Variants in SLAIN2 observed in about 807,000 individuals in gnomAD.
SLAIN2 encodes SLAIN motif-containing protein 2.
In SLAIN2, 31 loss-of-function variants were observed where a neutral mutation model predicts 56.6. The ratio of observed to expected loss-of-function variants is 0.55; its 90% CI spans 0.41 to 0.74. The LOEUF (loss-of-function observed/expected upper bound fraction) is 0.74, where lower values mean the gene tolerates loss of function less well. SLAIN2 is among the 30% of genes least tolerant of loss of function. The probability of loss-of-function intolerance (pLI) is 0.00; values close to 1 mark genes in which losing one functional copy is unlikely to be tolerated. For missense variants in SLAIN2, 777 were observed against 754.2 expected, an observed-to-expected ratio of 1.03 and a Z score of -0.35; for synonymous variants, 317 against 284.9, an observed-to-expected ratio of 1.11 and a Z score of -1.13.
At chr4:48,402,046 T>G (rs113097389) in intron 6 of SLAIN2, among the ~76,000 whole-genome samples, 1 of 152,334 alleles carries the variant, frequency 6.6e-6, no homozygotes, top group East Asian at 1.9e-4. Flanking sequence ...TAGCCAGATA[T>G]GAAATTCTGG....
chr4:48,425,470 A>C lies in SLAIN2; in HGVS notation c.*3393A>C, dbSNP rs531519032. 6.6e-6 allele frequency: 1 copy of C among 152,252 alleles called. No individual in the cohort carries two copies. The highest frequency in any genetic ancestry group is 1.9e-4 in the East Asian group (1 of 5,188). 9.4% of individuals were successfully genotyped at this position (152,252 alleles called of 1,614,324 possible). ...GCATCTTTTCTTGTATGGATGGAAA[A>C]ATCAAGAATTGTACACTGTTTAATG... On this transcript the variant is annotated 3_prime_UTR_variant, in exon 8 of 8. Coordinates refer to ENST00000264313, the MANE Select transcript of SLAIN2 (RefSeq NM_020846.2).
chr4:48,360,267 T>C (rs1360930702), intron 1 of SLAIN2, among the ~76,000 whole-genome samples: 2 of 152,152 alleles, frequency 1.3e-5, no homozygotes, highest in East Asian at 3.9e-4. Flanking sequence ...TATCAAGATG[T>C]TATTTATATA....
intron 6 of SLAIN2, among the ~76,000 whole-genome samples, chr4:48,395,445 G>GA (rs66798472): frequency 2.6e-3 from 374 of 145,864 alleles, no homozygotes; most frequent in African/African-American, 7.9e-3. Flanking sequence ...GATTTTTTTT[G>GA]AAAAAAAAAA....
chr4:48,342,057 G>T lies in SLAIN2; in HGVS notation c.318G>T (p.Leu106=). The change falls in exon 1 of 8, where the codon CTG becomes CTT. Residue 106 remains leucine (L), a synonymous_variant. Coordinates refer to ENST00000264313, the MANE Select transcript of SLAIN2 (RefSeq NM_020846.2). ...SLLAAGEGGL[L]DEVEPLRPDE... ...TAGCGGCGGGCGAGGGCGGCTTGCTGGACGAGGTGGAGCCGCTGCGGCCCG... is the reference window on the plus strand; with the variant it reads ...TAGCGGCGGGCGAGGGCGGCTTGCTTGACGAGGTGGAGCCGCTGCGGCCCG... 7.2e-7 allele frequency: 1 copy of T among 1,389,966 alleles called. No individual in the cohort carries two copies. 86.1% of individuals were successfully genotyped at this position (1,389,966 alleles called of 1,614,324 possible). A position where few individuals can be genotyped will look rare whatever the true frequency, so the allele number is the denominator to read the frequency against.
At chr4:48,418,556 AT>A (rs952025590) in intron 6 of SLAIN2, among the ~76,000 whole-genome samples, 69 of 151,616 alleles carry the variant, frequency 4.6e-4, no homozygotes, top group African/African-American at 1.6e-3. Flanking sequence ...ATTTTCTAAT[AT>A]TTTTTTAAGG....
intron 6 of SLAIN2, among the ~76,000 whole-genome samples, chr4:48,386,467 T>TTTAGACC (rs1230123194): frequency 6.6e-6 from 1 of 152,240 alleles, no homozygotes; most frequent in African/African-American, 2.4e-5. Context: ...TAGACCATGA[T>TTTAGACC]ATAAAACTTA....
At chr4:48,355,763 TTATAAA>T (rs1238929262) in intron 1 of SLAIN2, among the ~76,000 whole-genome samples, 2 of 152,090 alleles carry the variant, frequency 1.3e-5, no homozygotes, top group Non-Finnish European at 2.9e-5. Flanking sequence ...TTTTATATGT[TTATAAA>T]TATATAAATG....
chr4:48,366,217 T>C (rs1158839876), intron 1 of SLAIN2, among the ~76,000 whole-genome samples: 1 of 152,228 alleles, frequency 6.6e-6, no homozygotes, highest in Non-Finnish European at 1.5e-5. Flanking sequence ...GTAAGACTTG[T>C]TTTATGTCCT....
intron 2 of SLAIN2, among the ~76,000 whole-genome samples, chr4:48,377,055 A>G (rs1715836272): frequency 6.6e-6 from 1 of 151,732 alleles, no homozygotes; most frequent in Non-Finnish European, 1.5e-5. Context: ...TAGAAAAAGT[A>G]ATAGGTTGAG....
At position 48,365,468 on chromosome 4, in the gene SLAIN2, A is replaced by G. The variant is rs554691130; in HGVS notation, c.390-4381A>G. ...TCAAAAAAAAAAAAAAAAAAAAAGCACTTTTTCCCCCTATACTTTTCTGTT... is the reference window on the plus strand; with the variant it reads ...TCAAAAAAAAAAAAAAAAAAAAAGCGCTTTTTCCCCCTATACTTTTCTGTT... On this transcript the variant is annotated intron_variant, in intron 1 of 7. Transcript: ENST00000264313. Among the ~76,000 whole-genome samples, 1,350 of 144,922 alleles carry G rather than the reference A, an allele frequency of 9.3e-3. 15 individuals carry two copies. The highest frequency in any genetic ancestry group is 0.014 in the Non-Finnish European group (938 of 65,868).
rs36096623 is a variant in SLAIN2 at position 48,368,051 on chromosome 4, C to CTTTTTTTTTTTTT, written c.390-1797_390-1785dup. Among the ~76,000 whole-genome samples the CTTTTTTTTTTTTT allele has an allele frequency of 7.6e-3, 673 of 88,738 alleles. 144 individuals are homozygous for CTTTTTTTTTTTTT. The highest frequency in any genetic ancestry group is 0.033 in the African/African-American group (609 of 18,676). 58.2% of individuals were successfully genotyped at this position (88,738 alleles called of 152,430 possible). On this transcript the variant is annotated intron_variant, in intron 1 of 7. Coordinates refer to ENST00000264313, the MANE Select transcript of SLAIN2 (RefSeq NM_020846.2). ...TTCACTGAACGTAGTGTTTTTGAGG[C>CTTTTTTTTTTTTT]TTTTTTTTTTTTTGACAGTGTTGCT...
chr4:48,408,229 G>C (rs923373), intron 6 of SLAIN2, among the ~76,000 whole-genome samples: 88,297 of 151,776 alleles, frequency 0.58, 26,237 homozygotes, highest in South Asian at 0.71. Context: ...ACTCAGGAGG[G>C]TGAGGTTGGA....
At position 48,354,472 on chromosome 4, in the gene SLAIN2, T is replaced by C. The variant is rs549258015; in HGVS notation, c.389+12344T>C. On this transcript the variant is annotated intron_variant, in intron 1 of 7. Coordinates refer to ENST00000264313, the MANE Select transcript of SLAIN2 (RefSeq NM_020846.2). ...CTCGTTAATTGTTACGGATATTTTT[T>C]TTTTTCCCCCCTCAGGCTGAGTCTC... Among the ~76,000 whole-genome samples, 259 of 152,226 alleles carry C rather than the reference T, an allele frequency of 1.7e-3. 1 individual carries two copies. Among genetic ancestry groups the C allele is most frequent in the African/African-American group, 6.0e-3 (249 of 41,550 alleles).
At chr4:48,401,293 A>C (rs903659500) in intron 6 of SLAIN2, among the ~76,000 whole-genome samples, 2 of 152,114 alleles carry the variant, frequency 1.3e-5, no homozygotes, top group African/African-American at 4.8e-5. Flanking sequence ...TATCAGGTCC[A>C]CTTAATTCAG....
At chr4:48,388,406 T>C (rs1156687296) in intron 6 of SLAIN2, among the ~76,000 whole-genome samples, 3 of 152,162 alleles carry the variant, frequency 2.0e-5, no homozygotes, top group Admixed American at 2.0e-4. Context: ...AAGTTTAGTT[T>C]CCAGAAAGTC....
chr4:48,403,417 C>G (rs75800503), intron 6 of SLAIN2, among the ~76,000 whole-genome samples: 1 of 152,074 alleles, frequency 6.6e-6, no homozygotes, highest in African/African-American at 2.4e-5. Flanking sequence ...GAAATTCTCA[C>G]AGGGAGGCCT....
At chr4:48,390,567 C>G (rs1378976041) in intron 6 of SLAIN2, among the ~76,000 whole-genome samples, 1 of 151,962 alleles carries the variant, frequency 6.6e-6, no homozygotes, top group East Asian at 1.9e-4. Flanking sequence ...GAAAAAAATG[C>G]AGACAGTGAA....
chr4:48,370,193 C>G (rs1160592311), intron 2 of SLAIN2, among the ~76,000 whole-genome samples, 196 bp downstream of exon 2: 3 of 152,058 alleles, frequency 2.0e-5, no homozygotes, highest in Non-Finnish European at 4.4e-5. Flanking sequence ...TTAAAAAAAT[C>G]TTGTTTTTAT....
chr4:48,368,025 A>C (rs1403335280), intron 1 of SLAIN2, among the ~76,000 whole-genome samples: 1 of 116,812 alleles, frequency 8.6e-6, no homozygotes, highest in Non-Finnish European at 1.7e-5. Flanking sequence ...GTCAGTATGC[A>C]TTCACTGAAC....
Sources: gnomAD v4.1 joint callset for allele counts (sites outside exome capture counted in the v4.1 genomes callset) on GRCh38, gnomAD v4.1.1 for gene constraint, MANE v1.5 for transcripts, NCBI Gene and HGNC (gene_info 2026-07-23, HGNC 2026-07-21) for gene names.